Variants in VPS37C observed in about 807,000 individuals in gnomAD.
VPS37C encodes the protein VPS37C subunit of ESCRT-I.
Under a neutral mutation model 16.1 loss-of-function variants are expected in VPS37C, and 9 were observed. That is an observed-to-expected ratio of 0.56 (90% CI 0.34 to 0.97). The LOEUF (loss-of-function observed/expected upper bound fraction) is 0.97. Ranked by LOEUF, VPS37C falls within the 50% of genes least tolerant of loss-of-function variation. The pLI is 0.02. For missense variants in VPS37C, 479 were observed against 472.7 expected (o/e 1.01, Z -0.12); for synonymous variants, 207 against 206.4 (o/e 1.00, Z -0.02).
intron 1 of VPS37C, among the ~76,000 whole-genome samples, chr11:61,160,653 G>T (rs1853459166): frequency 6.6e-6 from 1 of 152,168 alleles, no homozygotes; most frequent in Admixed American, 6.5e-5. Context: ...AAAACCCCAG[G>T]TTGTAGAGTC....
In VPS37C at chr11:61,132,173, C is replaced by T. The variant is rs202236143; in HGVS notation, c.715G>A (p.Gly239Arg). The change falls in exon 5 of 5, where the codon GGG (glycine) becomes AGG (arginine). Residue 239 changes from glycine (G) to arginine (R), a missense_variant. By Grantham distance (125) the Gly-to-Arg change is moderately radical. Transcript: ENST00000301765. ...PVVSQPSFYS[G>R]PLGPTYPAAQ... ...GCCGGGTAAGTGGGGCCCAGAGGCC[C>T]GCTGTAGAAGGAGGGCTGGGACACT... 1.5e-5 allele frequency: 22 copies of T among 1,472,428 alleles called. No individual in the cohort carries two copies. Among genetic ancestry groups the T allele is most frequent in the Non-Finnish European group, 1.8e-5 (20 of 1,110,740 alleles). The allele number at this position is 1,472,428 out of a possible 1,614,324, so 91.2% of individuals were successfully genotyped here.
chr11:61,134,889 G>A lies in VPS37C; in HGVS notation c.94-682C>T, dbSNP rs536059669. ...TTACCCCTCTGCCAGGCTCTTCGTC[G>A]CTGCCAGCCAGTGAGACAGAAGCCA... On this transcript the variant is annotated intron_variant, in intron 2 of 4. Coordinates refer to ENST00000301765, the MANE Select transcript of VPS37C (RefSeq NM_017966.5). 7.2e-5 allele frequency among the ~76,000 whole-genome samples: 11 copies of A among 152,326 alleles called. No individual in the cohort carries two copies. The South Asian group carries it at 2.3e-3, about 32-fold the overall frequency.
At chr11:61,154,482 A>G (rs1268554243) in intron 1 of VPS37C, among the ~76,000 whole-genome samples, 1 of 152,178 alleles carries the variant, frequency 6.6e-6, no homozygotes, top group Non-Finnish European at 1.5e-5. Context: ...AGAAGAGACC[A>G]GTGAATTTGA....
chr11:61,132,597 T>C lies in VPS37C; in HGVS notation c.349-58A>G, dbSNP rs1861292029. On this transcript the variant is annotated intron_variant, in intron 4 of 4. Transcript: ENST00000301765. ...CAGCTGGGATCAAGGCCTCTTGATT[T>C]TCCCCAGGGTCTGAGTTCAGCTGCA... 1.6e-5 allele frequency: 25 copies of C among 1,517,262 alleles called. No homozygotes were observed. The South Asian group carries it at 2.9e-4, about 18-fold the overall frequency. 94.0% of individuals were successfully genotyped at this position (1,517,262 alleles called of 1,614,324 possible).
Position 61,138,737 on chromosome 11 carries a change from C to T in VPS37C, c.93G>A (p.Glu31=), listed in dbSNP as rs1490978986. Residue 31 remains glutamate, a splice_region_variant and synonymous_variant, in exon 2 of 5, where the codon GAG becomes GAA. Coordinates refer to ENST00000301765, the MANE Select transcript of VPS37C (RefSeq NM_017966.5). ...GGGTCCCATACCAGCCTCCCTCTAC[C>T]TCAGGGGACTCCAGGGCCAGCTGGT... ...AIDQLALESP[E]VQDLQLEREM... 1 of 1,613,954 alleles carries T rather than the reference C, an allele frequency of 6.2e-7. No individual in the cohort carries two copies. Among genetic ancestry groups the T allele is most frequent in the Non-Finnish European group, 8.5e-7 (1 of 1,180,004 alleles).
At position 61,130,670 on chromosome 11, in the gene VPS37C, T is replaced by C. The variant is rs1233729169; in HGVS notation, c.*1150A>G. 3.1e-6 allele frequency: 1 copy of C among 322,462 alleles called. No individual in the cohort carries two copies. The highest frequency in any genetic ancestry group is 5.8e-6 in the Non-Finnish European group (1 of 172,040). 20.0% of individuals were successfully genotyped at this position (322,462 alleles called of 1,614,324 possible). A position where few individuals can be genotyped will look rare whatever the true frequency, so the allele number is the denominator to read the frequency against. Reference sequence around the variant, plus strand: ...TTGTATTCATTCTTATTACTGAACATGCCCCAAACCCCACAGTGCAGGGGG... The same window carrying C: ...TTGTATTCATTCTTATTACTGAACACGCCCCAAACCCCACAGTGCAGGGGG... On this transcript the variant is annotated 3_prime_UTR_variant, in exon 5 of 5. Transcript: ENST00000301765.
intron 1 of VPS37C, among the ~76,000 whole-genome samples, chr11:61,146,850 C>T (rs953326729): frequency 6.6e-6 from 1 of 152,160 alleles, no homozygotes; most frequent in Non-Finnish European, 1.5e-5. Flanking sequence ...AGTTTTCACC[C>T]CCACCAGAGG....
intron 1 of VPS37C, among the ~76,000 whole-genome samples, chr11:61,157,991 C>A (rs938436903): frequency 3.9e-5 from 6 of 152,166 alleles, no homozygotes; most frequent in African/African-American, 1.4e-4. Flanking sequence ...CCTTCTGAGA[C>A]GAGTAAAAGC....
chr11:61,136,648 CAT>C (rs1271672432), intron 2 of VPS37C, among the ~76,000 whole-genome samples: 1 of 152,140 alleles, frequency 6.6e-6, no homozygotes. Flanking sequence ...GATGTTTTCA[CAT>C]GTTTTGCTGC....
intron 1 of VPS37C, among the ~76,000 whole-genome samples, chr11:61,149,980 C>A (rs1853272676): frequency 6.6e-6 from 1 of 152,134 alleles, no homozygotes; most frequent in Non-Finnish European, 1.5e-5. Flanking sequence ...GCTGCAGAGC[C>A]CAGCACTCAC....
At chr11:61,133,754 T>C (rs1023571410) in intron 3 of VPS37C, among the ~76,000 whole-genome samples, 1 of 152,166 alleles carries the variant, frequency 6.6e-6, no homozygotes, top group Admixed American at 6.5e-5. Flanking sequence ...CAGTAAAGCA[T>C]AGAAGCTGAG....
intron 1 of VPS37C, chr11:61,160,993 G>A (rs1853464390): frequency 6.6e-6 from 1 of 152,492 alleles, no homozygotes; most frequent in Non-Finnish European, 1.5e-5. Context: ...TGGCAAGTCG[G>A]ACCCTACTCT....
chr11:61,132,810 C>T (rs949566264), intron 4 of VPS37C: 5 of 576,354 alleles, frequency 8.7e-6, no homozygotes, highest in Admixed American at 3.2e-5. Context: ...CCACAGTGGC[C>T]ACTGCATATA....
At chr11:61,141,988 G>A (rs893495272) in intron 1 of VPS37C, among the ~76,000 whole-genome samples, 2 of 152,238 alleles carry the variant, frequency 1.3e-5, no homozygotes, top group African/African-American at 2.4e-5. Context: ...CATGTGGGGA[G>A]GCCCCGAGAA....
At chr11:61,151,303 A>G (rs1181690158) in intron 1 of VPS37C, among the ~76,000 whole-genome samples, 2 of 152,210 alleles carry the variant, frequency 1.3e-5, no homozygotes, top group Admixed American at 6.5e-5. Context: ...AACAAATACT[A>G]AAGTGGTAAC....
chr11:61,132,859 G>C, intron 4 of VPS37C: 2 of 541,274 alleles, frequency 3.7e-6, no homozygotes, highest in Non-Finnish European at 6.6e-6. Flanking sequence ...CCAGGGACTG[G>C]GAGGGCCTAG....
At chr11:61,141,458 T>C (rs2134638183) in intron 1 of VPS37C, among the ~76,000 whole-genome samples, 1 of 150,786 alleles carries the variant, frequency 6.6e-6, no homozygotes, top group East Asian at 2.0e-4. Context: ...AGCAGAACCC[T>C]GGGAGGAACA....
rs1398857731 is a variant in VPS37C, at chr11:61,132,224, C to T, written c.664G>A (p.Ala222Thr). 2.0e-6 allele frequency: 3 copies of T among 1,511,664 alleles called. No homozygotes were observed. Among genetic ancestry groups the T allele is most frequent in the Admixed American group, 2.3e-5 (1 of 44,262 alleles). The allele number at this position is 1,511,664 out of a possible 1,614,324, so 93.6% of individuals were successfully genotyped here. A position where few individuals can be genotyped will look rare whatever the true frequency, so the allele number is the denominator to read the frequency against. Residue 222 changes from alanine (A) to threonine (T), a missense_variant, in exon 5 of 5, where the codon GCC (alanine) becomes ACC (threonine). By Grantham distance (58) the Ala-to-Thr change is moderately conservative. Coordinates refer to ENST00000301765, the MANE Select transcript of VPS37C (RefSeq NM_017966.5). ...SLPVGPTAHGALPPAPFPVVS... is the reference protein window; with the variant it reads ...SLPVGPTAHGTLPPAPFPVVS... ...ACTGGGAAAGGGGCCGGTGGCAGGGCTCCATGGGCAGTGGGGCCCACAGGC... is the reference window on the plus strand; with the variant it reads ...ACTGGGAAAGGGGCCGGTGGCAGGGTTCCATGGGCAGTGGGGCCCACAGGC...
intron 1 of VPS37C, among the ~76,000 whole-genome samples, chr11:61,151,220 G>A (rs566098186): frequency 4.6e-5 from 7 of 152,276 alleles, no homozygotes; most frequent in South Asian, 4.1e-4. Flanking sequence ...TCATCGGTAC[G>A]GATATCTTCA....
Sources: allele counts gnomAD v4.1 joint callset (sites outside exome capture counted in the v4.1 genomes callset), GRCh38; gene constraint gnomAD v4.1.1; transcripts MANE v1.5; gene names NCBI Gene and HGNC (gene_info 2026-07-23, HGNC 2026-07-21).